Variants in DLG2 observed in about 807,000 individuals in gnomAD.
DLG2 encodes disks large homolog 2.
A neutral mutation model predicts 132.5 loss-of-function variants in DLG2; 45 were observed. That is an observed-to-expected ratio of 0.34 (90% CI 0.27 to 0.44). DLG2 has a LOEUF of 0.44. DLG2 is among the 20% of genes least tolerant of loss of function. The probability of loss-of-function intolerance (pLI) is 1.00; values close to 1 mark genes in which losing one functional copy is unlikely to be tolerated. For missense variants in DLG2, 1,045 were observed against 1,196.9 expected (o/e 0.87, Z 1.87); for synonymous variants, 424 against 419.6 (o/e 1.01, Z -0.13).
chr11:84,507,889 G>C (rs2099246150), intron 7 of DLG2, among the ~76,000 whole-genome samples: 1 of 152,108 alleles, frequency 6.6e-6, no homozygotes, highest in South Asian at 2.1e-4. Flanking sequence ...GTTGAGGATT[G>C]TTGCATCCTT....
intron 6 of DLG2, among the ~76,000 whole-genome samples, chr11:84,891,518 A>G (rs184423065): frequency 6.6e-6 from 1 of 152,212 alleles, no homozygotes; most frequent in Non-Finnish European, 1.5e-5. Context: ...AAAATATGAC[A>G]GGAAATTAAT....
intron 6 of DLG2, among the ~76,000 whole-genome samples, chr11:84,745,015 G>A (rs1350087687): frequency 6.7e-6 from 1 of 149,634 alleles, no homozygotes; most frequent in Admixed American, 6.6e-5. Context: ...CTGAAAACTA[G>A]GAATAAAGGT....
chr11:83,828,836 C>CTCTTCTCTTTCTT (rs1222675014), intron 17 of DLG2, among the ~76,000 whole-genome samples: 3 of 152,068 alleles, frequency 2.0e-5, no homozygotes, highest in African/African-American at 7.2e-5. Flanking sequence ...GTGTTACTGT[C>CTCTTCTCTTTCTT]TCTTCTCTTT....
At chr11:85,493,146 A>G (rs2093600016) in intron 3 of DLG2, among the ~76,000 whole-genome samples, 1 of 152,206 alleles carries the variant, frequency 6.6e-6, no homozygotes, top group African/African-American at 2.4e-5. Context: ...AGTACTGATG[A>G]GTTGATTAAA....
At chr11:85,345,981 G>A (rs978407488) in intron 3 of DLG2, among the ~76,000 whole-genome samples, 1 of 151,896 alleles carries the variant, frequency 6.6e-6, no homozygotes, top group Non-Finnish European at 1.5e-5. Flanking sequence ...CTTGGATCTC[G>A]TACAAGAAAG....
chr11:84,722,737 C>G (rs146246332), intron 6 of DLG2, among the ~76,000 whole-genome samples: 3 of 152,104 alleles, frequency 2.0e-5, no homozygotes, highest in African/African-American at 4.8e-5. Context: ...AAATTCAACA[C>G]GGAAAGACCC....
chr11:84,663,388 G>GTGAA (rs1421259742), intron 6 of DLG2, among the ~76,000 whole-genome samples: 1 of 151,982 alleles, frequency 6.6e-6, no homozygotes, highest in Non-Finnish European at 1.5e-5. Context: ...GGCTCCAAGA[G>GTGAA]TGAACTCTGG....
intron 6 of DLG2, among the ~76,000 whole-genome samples, chr11:84,596,780 G>A (rs952353820): frequency 2.0e-5 from 3 of 152,108 alleles, no homozygotes; most frequent in Admixed American, 1.3e-4. Flanking sequence ...CAATGAAAAC[G>A]AAACTGAGGT....
At chr11:83,760,697 C>T (rs757132469) in intron 18 of DLG2, among the ~76,000 whole-genome samples, 3 of 152,056 alleles carry the variant, frequency 2.0e-5, no homozygotes, top group Non-Finnish European at 4.4e-5. Flanking sequence ...AGAAAAACAA[C>T]AACAAAAACA....
At chr11:85,254,074 T>C (rs2076541182) in intron 4 of DLG2, among the ~76,000 whole-genome samples, 1 of 152,172 alleles carries the variant, frequency 6.6e-6, no homozygotes, top group South Asian at 2.1e-4. Flanking sequence ...GGATGTAAAT[T>C]CTCACTTTGG....
intron 3 of DLG2, among the ~76,000 whole-genome samples, chr11:85,490,439 A>C (rs775432954): frequency 7.6e-4 from 115 of 152,010 alleles, no homozygotes; most frequent in Non-Finnish European, 1.5e-3. Flanking sequence ...GAAGAAATGA[A>C]ATAACAAACA....
chr11:84,882,549 G>A (rs2087520868), intron 6 of DLG2, among the ~76,000 whole-genome samples: 1 of 152,002 alleles, frequency 6.6e-6, no homozygotes, highest in African/African-American at 2.4e-5. Context: ...CAGCACCAGA[G>A]CGCCCCTGAG....
chr11:84,903,756 TTAAAAG>T (rs1371718791), intron 6 of DLG2, among the ~76,000 whole-genome samples: 1 of 152,134 alleles, frequency 6.6e-6, no homozygotes, highest in Non-Finnish European at 1.5e-5. Flanking sequence ...TTAGAGAGTA[TTAAAAG>T]TAAAAGGAGC....
At chr11:84,816,047 G>A (rs986488024) in intron 6 of DLG2, among the ~76,000 whole-genome samples, 1 of 152,036 alleles carries the variant, frequency 6.6e-6, no homozygotes, top group Admixed American at 6.6e-5. Flanking sequence ...ATGAGTGGAA[G>A]TAACACATCT....
At chr11:83,973,884 C>T (rs1442330733) in intron 12 of DLG2, among the ~76,000 whole-genome samples, 1 of 151,942 alleles carries the variant, frequency 6.6e-6, no homozygotes, top group Admixed American at 6.6e-5. Context: ...AACTTCAGGA[C>T]ATCAAAATCT....
chr11:84,607,133 C>T (rs2099587271), intron 6 of DLG2, among the ~76,000 whole-genome samples: 1 of 151,990 alleles, frequency 6.6e-6, no homozygotes, highest in Admixed American at 6.6e-5. Context: ...TTCAGATGAG[C>T]CCTTTTCAAT....
intron 21 of DLG2, among the ~76,000 whole-genome samples, chr11:83,508,618 T>G (rs948986421): frequency 1.3e-5 from 2 of 151,996 alleles, no homozygotes; most frequent in Non-Finnish European, 2.9e-5. Context: ...CATACCTTCT[T>G]AAACATTTTG....
rs958336907 is a variant in DLG2 at position 85,604,103 on chromosome 11, C to T, written c.-92-5315G>A. ...ATAAAGGGAAAATACTGTATTGATT[C>T]AAAACAGCTAGATGTTTTCTAAACC... On this transcript the variant is annotated intron_variant, in intron 2 of 27. Coordinates refer to ENST00000376104, the MANE Select transcript of DLG2 (RefSeq NM_001142699.3). Among the ~76,000 whole-genome samples, 6 of 152,290 alleles carry T rather than the reference C, an allele frequency of 3.9e-5. No individual in the cohort carries two copies. In the East Asian group the frequency reaches 1.2e-3, roughly 29 times the overall value.
At chr11:85,476,793 T>C (rs900795658) in intron 3 of DLG2, among the ~76,000 whole-genome samples, 2 of 152,258 alleles carry the variant, frequency 1.3e-5, no homozygotes, top group South Asian at 2.1e-4. Context: ...TGATTAACAA[T>C]GCCTTCTTCT....
Sources: allele counts gnomAD v4.1 joint callset (sites outside exome capture counted in the v4.1 genomes callset), GRCh38; gene constraint gnomAD v4.1.1; transcripts MANE v1.5; gene names NCBI Gene and HGNC (gene_info 2026-07-23, HGNC 2026-07-21).